GTF2IRD1: variants seen among roughly 807,000 people sequenced by gnomAD.
GTF2IRD1 encodes general transcription factor II-I repeat domain-containing protein 1.
A neutral mutation model predicts 113.2 loss-of-function variants in GTF2IRD1; 26 were observed. The observed-to-expected ratio is 0.23, with a 90% confidence interval of 0.17 to 0.32. The LOEUF (loss-of-function observed/expected upper bound fraction) is 0.32. GTF2IRD1 is among the 10% of genes least tolerant of loss of function. GTF2IRD1 has a pLI of 1.00. For missense variants in GTF2IRD1, 864 were observed against 1,280.8 expected, an observed-to-expected ratio of 0.67 and a Z score of 4.97; for synonymous variants, 484 against 529.1, an observed-to-expected ratio of 0.91 and a Z score of 1.17.
At chr7:74,583,560 G>A (rs1433976854) in intron 22 of GTF2IRD1, among the ~76,000 whole-genome samples, 1 of 151,546 alleles carries the variant, frequency 6.6e-6, no homozygotes, top group Non-Finnish European at 1.5e-5. Context: ...AGGTGGTCAG[G>A]ACGCCTCCCC....
At chr7:74,559,192 G>A (rs1190070253) in intron 21 of GTF2IRD1, 148 bp downstream of exon 21, 2 of 731,080 alleles carry the variant, frequency 2.7e-6, no homozygotes, top group Non-Finnish European at 4.4e-6. Flanking sequence ...GGGGGTGGTT[G>A]GAGAGGGACT....
chr7:74,560,195 G>A (rs60589217), intron 22 of GTF2IRD1, among the ~76,000 whole-genome samples: 3,596 of 152,232 alleles, frequency 0.024, 123 homozygotes, highest in African/African-American at 0.073. Context: ...GGGTGGTGGC[G>A]TCAGTGACTT....
At chr7:74,461,117 G>C (rs1468370732) in intron 1 of GTF2IRD1, among the ~76,000 whole-genome samples, 1 of 152,224 alleles carries the variant, frequency 6.6e-6, no homozygotes, top group Non-Finnish European at 1.5e-5. Context: ...CAAGGGACTT[G>C]GTGTGACCCC....
intron 19 of GTF2IRD1, among the ~76,000 whole-genome samples, chr7:74,557,187 A>G (rs1413579462): frequency 6.6e-6 from 1 of 152,132 alleles, no homozygotes; most frequent in African/African-American, 2.4e-5. Flanking sequence ...TGGAGGTTCC[A>G]TTGGGAGCCG....
chr7:74,534,968 T>A, intron 9 of GTF2IRD1, 145 bp from the exon 10 acceptor site: 1 of 702,620 alleles, frequency 1.4e-6, no homozygotes, highest in Admixed American at 2.0e-5. Flanking sequence ...CTCTCCTGCC[T>A]GCATGTCTGC....
intron 22 of GTF2IRD1, among the ~76,000 whole-genome samples, chr7:74,567,619 C>T (rs1800400485): frequency 6.6e-6 from 1 of 152,162 alleles, no homozygotes; most frequent in Admixed American, 6.6e-5. Context: ...CACTGCCACC[C>T]TCAGTAAAGA....
intron 8 of GTF2IRD1, 114 bp downstream of exon 8, chr7:74,524,268 G>A (rs1797462482): frequency 4.0e-6 from 2 of 500,024 alleles, no homozygotes; most frequent in East Asian, 3.9e-5. Flanking sequence ...GCTGGCTCCC[G>A]CGCGCCGGCA....
chr7:74,503,006 A>G (rs1393404709), intron 1 of GTF2IRD1, among the ~76,000 whole-genome samples: 3 of 152,076 alleles, frequency 2.0e-5, no homozygotes, highest in Non-Finnish European at 4.4e-5. Flanking sequence ...GTCTCTACTA[A>G]TAATACAAAA....
Position 74,602,108 on chromosome 7 carries a change from G to A in GTF2IRD1, c.2767-257G>A, listed in dbSNP as rs1802798571. ...AATAGAAAAATTAGCCGGGCATGGTGGCGGGCGCCTATAATCCCAGCTACT... is the reference window on the plus strand; with the variant it reads ...AATAGAAAAATTAGCCGGGCATGGTAGCGGGCGCCTATAATCCCAGCTACT... On this transcript the variant is annotated intron_variant, in intron 26 of 26. Coordinates refer to ENST00000424337, the MANE Select transcript of GTF2IRD1 (RefSeq NM_005685.4). 3 of 306,428 alleles carry A rather than the reference G, an allele frequency of 9.8e-6. No individual in the cohort carries two copies. The South Asian group carries it at 2.8e-4, about 28-fold the overall frequency. 19.0% of individuals were successfully genotyped at this position (306,428 alleles called of 1,614,324 possible). A position where few individuals can be genotyped will look rare whatever the true frequency, so the allele number is the denominator to read the frequency against.
intron 25 of GTF2IRD1, among the ~76,000 whole-genome samples, chr7:74,595,549 T>A (rs1294352760): frequency 6.6e-6 from 1 of 151,858 alleles, no homozygotes; most frequent in Admixed American, 6.6e-5. Flanking sequence ...CATAAAAAAA[T>A]TTTTTAAAGG....
chr7:74,535,509 C>G (rs1396055704), intron 10 of GTF2IRD1, among the ~76,000 whole-genome samples: 1 of 152,218 alleles, frequency 6.6e-6, no homozygotes, highest in Non-Finnish European at 1.5e-5. Context: ...CACGTGCAGA[C>G]AGAGGAACGG....
At chr7:74,588,765 C>T (rs782472999) in intron 22 of GTF2IRD1, among the ~76,000 whole-genome samples, 1 of 152,108 alleles carries the variant, frequency 6.6e-6, no homozygotes, top group Non-Finnish European at 1.5e-5. Context: ...CTCCTGGCCT[C>T]AAGTAATCTG....
chr7:74,482,888 A>G (rs1794821658), intron 1 of GTF2IRD1, among the ~76,000 whole-genome samples: 1 of 152,216 alleles, frequency 6.6e-6, no homozygotes, highest in South Asian at 2.1e-4. Flanking sequence ...GAGTCAGTGG[A>G]AACACATGTA....
intron 8 of GTF2IRD1, among the ~76,000 whole-genome samples, chr7:74,528,863 A>T (rs587594171): frequency 1.3e-4 from 19 of 144,068 alleles, no homozygotes; most frequent in African/African-American, 3.7e-4. Flanking sequence ...GGATGGATGA[A>T]TGGGCAGATG....
intron 1 of GTF2IRD1, among the ~76,000 whole-genome samples, chr7:74,498,361 T>C (rs972398044): frequency 6.6e-5 from 10 of 152,196 alleles, no homozygotes; most frequent in Admixed American, 6.6e-4. Flanking sequence ...CTTACCGATA[T>C]ACTATTTACA....
At chr7:74,537,282 G>A (rs1427943433) in intron 11 of GTF2IRD1, among the ~76,000 whole-genome samples, 4 of 151,888 alleles carry the variant, frequency 2.6e-5, no homozygotes, top group Non-Finnish European at 2.9e-5. Context: ...GCGCAGCGGC[G>A]CATGCCTGTA....
rs587729618 is a variant in GTF2IRD1, at chr7:74,559,875, A to G, written c.2320+220A>G. Among the ~76,000 whole-genome samples the G allele has an allele frequency of 7.3e-5, 11 of 151,680 alleles. No homozygotes were observed. In the South Asian group the frequency reaches 2.3e-3, roughly 32 times the overall value. On this transcript the variant is annotated intron_variant, in intron 22 of 26. Transcript: ENST00000424337. ...GTTCACTGCAACCTCCACCTCCTGG[A>G]TTCAAGCAATTCTCCTGCCTCAGAC...
intron 22 of GTF2IRD1, among the ~76,000 whole-genome samples, chr7:74,587,496 A>G (rs1239878020): frequency 2.0e-5 from 3 of 151,732 alleles, no homozygotes; most frequent in African/African-American, 7.3e-5. Flanking sequence ...AAGACCCATC[A>G]GTCTGCTCTG....
In GTF2IRD1 at chr7:74,545,776, A is replaced by G. The variant is rs782501602; in HGVS notation, c.1699A>G (p.Lys567Glu). ...CGGTGACGTGATCCGGCCCCTGCGG[A>G]AGCAGGTGGAGCTGCTCTTCAACAC... is the stretch of plus-strand genomic sequence containing the variant. ...SHGDVIRPLR[K>E]QVELLFNTRY... The change falls in exon 16 of 27, where the codon AAG (lysine) becomes GAG (glutamate). Residue 567 changes from lysine to glutamate, a missense_variant. Physicochemically the swap from Lys to Glu is moderately conservative, Grantham distance 56 (BLOSUM62 1). Transcript: ENST00000424337. 37 of 1,613,168 alleles carry G rather than the reference A, an allele frequency of 2.3e-5. No individual in the cohort carries two copies. Among genetic ancestry groups the G allele is most frequent in the Non-Finnish European group, 3.1e-5 (37 of 1,179,826 alleles).
Sources: gnomAD v4.1 joint callset for allele counts (sites outside exome capture counted in the v4.1 genomes callset) on GRCh38, gnomAD v4.1.1 for gene constraint, MANE v1.5 for transcripts, NCBI Gene and HGNC (gene_info 2026-07-23, HGNC 2026-07-21) for gene names.